MMP26: variants seen among roughly 807,000 people sequenced by gnomAD.
MMP26 encodes matrix metalloproteinase-26.
Under a neutral mutation model 31.0 loss-of-function variants are expected in MMP26, and 33 were observed. That is an observed-to-expected ratio of 1.06 (90% CI 0.81 to 1.42). MMP26 has a LOEUF of 1.42. Ranked by LOEUF, MMP26 falls within the 40% of genes most tolerant of loss-of-function variation. The pLI is 0.00. For missense variants in MMP26, 347 were observed against 316.1 expected, an observed-to-expected ratio of 1.10 and a Z score of -0.74; for synonymous variants, 122 against 114.9, an observed-to-expected ratio of 1.06 and a Z score of -0.40.
intron 2 of MMP26, chr11:4,914,831 T>C (rs1381486605): frequency 6.2e-7 from 1 of 1,613,916 alleles, no homozygotes; most frequent in Non-Finnish European, 8.5e-7. Flanking sequence ...CATGACCACC[T>C]GGACCAGGTG....
Position 4,991,439 on chromosome 11 carries a change from G to A in MMP26, c.538G>A (p.Gly180Arg). ...AGGCCATGCCTTTTTACCAAATTCT[G>A]GAAATCCTGGAGTTGTCCATTTTGA... ...ILGHAFLPNS[G>R]NPGVVHFDKN... Residue 180 changes from glycine to arginine, a missense_variant, in exon 6 of 8, where the codon GGA becomes AGA. Transcript: ENST00000380390. The A allele has an allele frequency of 6.2e-7, 1 of 1,613,920 alleles. No homozygotes were observed. The highest frequency in any genetic ancestry group is 8.5e-7 in the Non-Finnish European group (1 of 1,179,874).
intron 2 of MMP26, chr11:4,871,964 G>A (rs745612897): frequency 1.3e-5 from 2 of 152,052 alleles, no homozygotes; most frequent in Non-Finnish European, 1.5e-5. Flanking sequence ...TTCTCCTTTA[G>A]AACCAAACAG....
chr11:4,966,553 C>T (rs1846597525), intron 2 of MMP26, among the ~76,000 whole-genome samples: 1 of 152,172 alleles, frequency 6.6e-6, no homozygotes, highest in Non-Finnish European at 1.5e-5. Context: ...AAAGTTGAGG[C>T]TAGCTAAGAA....
At chr11:4,922,511 C>A (rs542021731) in intron 2 of MMP26, among the ~76,000 whole-genome samples, 5 of 152,214 alleles carry the variant, frequency 3.3e-5, no homozygotes, top group African/African-American at 7.2e-5. Context: ...CATGACACAG[C>A]AGATTTATAT....
rs535219070 is a variant in MMP26, at chr11:4,833,230, A to G, written c.-145+65889A>G. On this transcript the variant is annotated intron_variant, in intron 2 of 7. Transcript: ENST00000380390. Reference sequence around the variant, plus strand: ...TCAACTAATCCCTAAGGAGCATCTAATATACCACAGCTTTTCTACTTTTGA... The same window carrying G: ...TCAACTAATCCCTAAGGAGCATCTAGTATACCACAGCTTTTCTACTTTTGA... Among the ~76,000 whole-genome samples the G allele has an allele frequency of 2.0e-5, 3 of 152,338 alleles. No individual in the cohort carries two copies. In the South Asian group the frequency reaches 6.2e-4, roughly 32 times the overall value.
intron 2 of MMP26, chr11:4,822,432 A>C: frequency 7.2e-7 from 1 of 1,396,210 alleles, no homozygotes; most frequent in Non-Finnish European, 9.3e-7. Flanking sequence ...GCTACAATGG[A>C]GTAATTGTCC....
intron 1 of MMP26, among the ~76,000 whole-genome samples, chr11:4,705,297 G>A (rs1847760486): frequency 6.6e-6 from 1 of 152,144 alleles, no homozygotes; most frequent in African/African-American, 2.4e-5. Flanking sequence ...TTTAAATAAG[G>A]AGTTTGCGAG....
In MMP26 at chr11:4,915,609, G is replaced by T. The variant is rs539092558; in HGVS notation, c.-144-72459G>T. 9 of 1,613,966 alleles carry T rather than the reference G, an allele frequency of 5.6e-6. No individual in the cohort carries two copies. Among genetic ancestry groups the T allele is most frequent in the Non-Finnish European group, 7.6e-6 (9 of 1,179,982 alleles). On this transcript the variant is annotated intron_variant, in intron 2 of 7. Transcript: ENST00000380390. ...CGCTCCAGCCCAGGGATGCCACTCA[G>T]CAGGAAGGTAGCAGAAACGCTGCTG...
intron 2 of MMP26, chr11:4,907,644 T>A: frequency 6.2e-7 from 1 of 1,614,080 alleles, no homozygotes; most frequent in Non-Finnish European, 8.5e-7. Flanking sequence ...GCCATGGGAA[T>A]TTCACCTAAT....
At chr11:4,725,516 T>C (rs1848087659) in intron 1 of MMP26, among the ~76,000 whole-genome samples, 1 of 152,234 alleles carries the variant, frequency 6.6e-6, no homozygotes, top group Non-Finnish European at 1.5e-5. Flanking sequence ...TGAGAATTTC[T>C]TTTCTTTTTC....
chr11:4,776,489 T>C (rs1377419251), intron 2 of MMP26, among the ~76,000 whole-genome samples: 3 of 152,148 alleles, frequency 2.0e-5, no homozygotes, highest in Non-Finnish European at 4.4e-5. Context: ...CATTTCTGAC[T>C]GGTTCAAGAT....
intron 2 of MMP26, among the ~76,000 whole-genome samples, chr11:4,813,156 C>T (rs988768202): frequency 2.6e-5 from 4 of 151,920 alleles, no homozygotes; most frequent in Non-Finnish European, 5.9e-5. Context: ...AGGTGCCTGC[C>T]ACCATGTTAA....
chr11:4,978,479 T>A (rs1846769269), intron 2 of MMP26, among the ~76,000 whole-genome samples: 1 of 152,084 alleles, frequency 6.6e-6, no homozygotes, highest in South Asian at 2.1e-4. Flanking sequence ...GGTACAATAT[T>A]TTTACCTCTA....
Position 4,988,087 on chromosome 11 carries a change from TCACAGA to T in MMP26, c.-124_-119del. 1 of 825,442 alleles carries T rather than the reference TCACAGA, an allele frequency of 1.2e-6. No homozygotes were observed. The highest frequency in any genetic ancestry group is 2.1e-6 in the Non-Finnish European group (1 of 473,670). 51.1% of individuals were successfully genotyped at this position (825,442 alleles called of 1,614,324 possible). A position where few individuals can be genotyped will look rare whatever the true frequency, so the allele number is the denominator to read the frequency against. On this transcript the variant is annotated 5_prime_UTR_variant, in exon 3 of 8. Coordinates refer to ENST00000380390, the MANE Select transcript of MMP26 (RefSeq NM_021801.5). ...CAGCAGGTATGGATGATGACGCCACTCACAGATTCAAAGAAAGGGCAAACTGGCAGA... is the reference window on the plus strand; with the variant it reads ...CAGCAGGTATGGATGATGACGCCACTTTCAAAGAAAGGGCAAACTGGCAGA...
intron 2 of MMP26, chr11:4,882,275 G>C: frequency 6.2e-7 from 1 of 1,613,824 alleles, no homozygotes; most frequent in Non-Finnish European, 8.5e-7. Flanking sequence ...TGACCGCTTC[G>C]TGGCTATCTG....
intron 2 of MMP26, chr11:4,877,717 ATGT>A (rs1362776353): frequency 6.6e-6 from 1 of 152,178 alleles, no homozygotes; most frequent in Non-Finnish European, 1.5e-5. Context: ...ATTGATTTAA[ATGT>A]AAATTTAAGT....
intron 2 of MMP26, among the ~76,000 whole-genome samples, chr11:4,962,799 A>C (rs1846538655): frequency 6.6e-6 from 1 of 152,204 alleles, no homozygotes; most frequent in South Asian, 2.1e-4. Flanking sequence ...CTTGGAGAAC[A>C]GAGTCAAACA....
At chr11:4,831,607 A>G (rs1330751715) in intron 2 of MMP26, among the ~76,000 whole-genome samples, 1 of 152,172 alleles carries the variant, frequency 6.6e-6, no homozygotes, top group East Asian at 1.9e-4. Flanking sequence ...TCTGCATTAC[A>G]GTTTGCCACC....
chr11:4,771,179 A>G (rs1397176654), intron 2 of MMP26, among the ~76,000 whole-genome samples: 1 of 152,242 alleles, frequency 6.6e-6, no homozygotes, highest in Non-Finnish European at 1.5e-5. Context: ...AACGGAGGTT[A>G]AAAATGTAGC....
Sources: allele counts gnomAD v4.1 joint callset (sites outside exome capture counted in the v4.1 genomes callset), GRCh38; gene constraint gnomAD v4.1.1; transcripts MANE v1.5; gene names NCBI Gene and HGNC (gene_info 2026-07-23, HGNC 2026-07-21).